Variants in HPSE2 observed in about 807,000 individuals in gnomAD.
HPSE2 encodes heparanase 2 (inactive), also known as inactive heparanase-2.
In HPSE2, 38 loss-of-function variants were observed where a neutral mutation model predicts 60.5. The ratio of observed to expected loss-of-function variants is 0.63; its 90% CI spans 0.48 to 0.82. The LOEUF (loss-of-function observed/expected upper bound fraction) is 0.82, where lower values mean the gene tolerates loss of function less well. HPSE2 is among the 40% of genes least tolerant of loss of function. The pLI is 0.00. For missense variants in HPSE2, 713 were observed against 740.4 expected, an observed-to-expected ratio of 0.96 and a Z score of 0.43; for synonymous variants, 295 against 293.2, an observed-to-expected ratio of 1.01 and a Z score of -0.06.
At chr10:99,306,398 C>T in the HPSE2 span, among the ~76,000 whole-genome samples, 26 of 152,110 alleles carry the variant, frequency 1.7e-4, no homozygotes, top group Admixed American at 3.3e-4. Flanking sequence ...GCACTTACTC[C>T]AGCTCCACCC....
intron 9 of HPSE2, among the ~76,000 whole-genome samples, chr10:98,520,899 C>A (rs1942769604): frequency 2.0e-5 from 3 of 152,138 alleles, no homozygotes; most frequent in Non-Finnish European, 4.4e-5. Flanking sequence ...AAAGGATTCC[C>A]TATTTAATAA....
chr10:99,140,403 C>T (rs148509908), intron 3 of HPSE2, among the ~76,000 whole-genome samples: 50 of 152,312 alleles, frequency 3.3e-4, no homozygotes, highest in African/African-American at 1.2e-3. Context: ...CAGTTTCAAG[C>T]TGTCTGGATA....
intron 3 of HPSE2, among the ~76,000 whole-genome samples, chr10:98,903,354 C>T (rs1953719213): frequency 6.6e-6 from 1 of 151,894 alleles, no homozygotes; most frequent in Non-Finnish European, 1.5e-5. Context: ...AATATAAATG[C>T]ACAACTTTAT....
At chr10:99,101,701 TC>T (rs780668352) in intron 3 of HPSE2, among the ~76,000 whole-genome samples, 9 of 152,074 alleles carry the variant, frequency 5.9e-5, no homozygotes, top group Non-Finnish European at 8.8e-5. Flanking sequence ...GCACCACATC[TC>T]ACTTATTCCA....
chr10:98,910,732 A>G (rs1564649721), intron 3 of HPSE2, among the ~76,000 whole-genome samples: 1 of 152,210 alleles, frequency 6.6e-6, no homozygotes, highest in Non-Finnish European at 1.5e-5. Flanking sequence ...GCTCAGCATT[A>G]CTCAGAATAG....
intron 2 of HPSE2, among the ~76,000 whole-genome samples, chr10:99,210,442 C>A (rs1848917199): frequency 6.6e-6 from 1 of 152,138 alleles, no homozygotes; most frequent in Non-Finnish European, 1.5e-5. Flanking sequence ...TACCTTGATA[C>A]AAAAGCCAGA....
At chr10:99,289,023 C>T in the HPSE2 span, among the ~76,000 whole-genome samples, 1 of 152,122 alleles carries the variant, frequency 6.6e-6, no homozygotes, top group African/African-American at 2.4e-5. Flanking sequence ...TGGTCACTGT[C>T]TTCTGTTTTA....
At chr10:98,872,439 A>T (rs1261027254) in intron 3 of HPSE2, among the ~76,000 whole-genome samples, 1 of 152,102 alleles carries the variant, frequency 6.6e-6, no homozygotes, top group Non-Finnish European at 1.5e-5. Flanking sequence ...CATATTTGCC[A>T]TATCCACTTA....
intron 3 of HPSE2, among the ~76,000 whole-genome samples, chr10:98,996,298 TAAC>T (rs1956640594): frequency 6.6e-6 from 1 of 152,094 alleles, no homozygotes; most frequent in Non-Finnish European, 1.5e-5. Flanking sequence ...AAAGTTAAAA[TAAC>T]AAGATAACAC....
intron 9 of HPSE2, among the ~76,000 whole-genome samples, chr10:98,535,561 TG>T (rs1450273795): frequency 6.6e-6 from 1 of 152,178 alleles, no homozygotes; most frequent in Non-Finnish European, 1.5e-5. Context: ...CAGTATACTC[TG>T]GTGGACCACT....
intron 2 of HPSE2, 112 bp downstream of exon 2, chr10:99,232,225 ACACACACACAC>A (rs1849673174): frequency 1.9e-6 from 2 of 1,080,496 alleles, no homozygotes. Flanking sequence ...ACACACACAC[ACACACACACAC>A]ACACACACAC....
chr10:98,926,015 C>T lies in HPSE2; in HGVS notation c.611-181959G>A, dbSNP rs866712751. ...ATAATATTTAGAGTTTTTAGTTACCCTTAATAGGAGGAATAGGGGAAAGTA... is the reference window on the plus strand; with the variant it reads ...ATAATATTTAGAGTTTTTAGTTACCTTTAATAGGAGGAATAGGGGAAAGTA... On this transcript the variant is annotated intron_variant, in intron 3 of 11. Transcript: ENST00000370552. Among the ~76,000 whole-genome samples, 19 of 152,074 alleles carry T rather than the reference C, an allele frequency of 1.2e-4. No individual in the cohort carries two copies. The South Asian group carries it at 3.7e-3, about 30-fold the overall frequency.
intron 2 of HPSE2, among the ~76,000 whole-genome samples, chr10:99,152,737 A>T (rs548971046): frequency 6.6e-6 from 1 of 152,262 alleles, no homozygotes; most frequent in South Asian, 2.1e-4. Context: ...ACTGAAAATG[A>T]GGGGGAGGAG....
At chr10:99,157,541 C>T (rs1237655228) in intron 2 of HPSE2, among the ~76,000 whole-genome samples, 4 of 127,302 alleles carry the variant, frequency 3.1e-5, no homozygotes, top group African/African-American at 1.1e-4. Flanking sequence ...GGAAAACTGG[C>T]TAGCCATATG....
chr10:98,686,840 TGAG>T (rs1947929278), intron 6 of HPSE2, among the ~76,000 whole-genome samples: 5 of 152,326 alleles, frequency 3.3e-5, no homozygotes, highest in South Asian at 4.1e-4. Flanking sequence ...GTTTTACAGT[TGAG>T]CATATGGTCC....
chr10:99,297,716 C>A, the HPSE2 span, among the ~76,000 whole-genome samples: 1 of 152,130 alleles, frequency 6.6e-6, no homozygotes, highest in African/African-American at 2.4e-5. Context: ...GTGACCCCAA[C>A]TTGGTCTTGG....
the HPSE2 span, among the ~76,000 whole-genome samples, chr10:99,281,587 A>G: frequency 6.6e-6 from 1 of 152,136 alleles, no homozygotes; most frequent in Non-Finnish European, 1.5e-5. Context: ...CTATTTTCTG[A>G]AAAGTATGCT....
chr10:99,234,192 C>G (rs1042502616), intron 1 of HPSE2, among the ~76,000 whole-genome samples: 1 of 152,156 alleles, frequency 6.6e-6, no homozygotes, highest in African/African-American at 2.4e-5. Flanking sequence ...GGCAACCGCA[C>G]CAACAGGAAC....
At chr10:99,302,513 T>G in the HPSE2 span, among the ~76,000 whole-genome samples, 1 of 152,224 alleles carries the variant, frequency 6.6e-6, no homozygotes, top group Admixed American at 6.5e-5. Flanking sequence ...TACAGGCCAC[T>G]GCACTAATGC....
Sources: gnomAD v4.1 joint callset for allele counts (sites outside exome capture counted in the v4.1 genomes callset) on GRCh38, gnomAD v4.1.1 for gene constraint, MANE v1.5 for transcripts, NCBI Gene and HGNC (gene_info 2026-07-23, HGNC 2026-07-21) for gene names.